The following ANXA8 variants were observed in gnomAD, a reference collection of about 807,000 sequenced individuals.
The protein encoded by ANXA8 is annexin A8, also known as VAC-beta.
Under a neutral mutation model 26.8 loss-of-function variants are expected in ANXA8, and 9 were observed. That is an observed-to-expected ratio of 0.34 (90% confidence interval 0.20 to 0.59). ANXA8 has a LOEUF of 0.59. Among genes scored for constraint, ANXA8 ranks in the 20% least tolerant of loss-of-function variants. The pLI is 0.84. For missense variants in ANXA8, 83 were observed against 238.5 expected (o/e 0.35, Z 4.29); for synonymous variants, 39 against 94.8 (o/e 0.41, Z 3.42).
chr10:47,585,136 G>A, the ANXA8 span, among the ~76,000 whole-genome samples: 80,606 of 130,870 alleles, frequency 0.62, 23,255 homozygotes, highest in Non-Finnish European at 0.7. Context: ...GGTGGTGGGC[G>A]CCTGTAATCC....
At chr10:47,974,284 T>A in the ANXA8 span, among the ~76,000 whole-genome samples, 475 of 147,358 alleles carry the variant, frequency 3.2e-3, 10 homozygotes, top group African/African-American at 0.011. Flanking sequence ...TATTTGGAAA[T>A]TCTTTTTTCT....
the ANXA8 span, among the ~76,000 whole-genome samples, chr10:47,982,075 G>T: frequency 6.6e-6 from 1 of 151,036 alleles, no homozygotes; most frequent in African/African-American, 2.4e-5. Flanking sequence ...GATTGCTTGA[G>T]CCCAGAGTTT....
chr10:47,546,175 C>T, the ANXA8 span, among the ~76,000 whole-genome samples: 4,758 of 134,894 alleles, frequency 0.035, 72 homozygotes, highest in African/African-American at 0.059. Flanking sequence ...ATATTAAATA[C>T]GTACAGAAAA....
chr10:47,738,645 C>T, the ANXA8 span, among the ~76,000 whole-genome samples: 1 of 151,412 alleles, frequency 6.6e-6, no homozygotes, highest in Admixed American at 6.6e-5. Flanking sequence ...GGTATGATCT[C>T]AGCTCACTGC....
At chr10:47,639,395 C>T in the ANXA8 span, among the ~76,000 whole-genome samples, 1 of 150,796 alleles carries the variant, frequency 6.6e-6, no homozygotes, top group Non-Finnish European at 1.5e-5. Context: ...TCACTGCAAG[C>T]TTCGCCTCCC....
the ANXA8 span, among the ~76,000 whole-genome samples, chr10:47,626,505 C>T: frequency 6.7e-6 from 1 of 149,856 alleles, no homozygotes; most frequent in African/African-American, 2.5e-5. Context: ...AATCTTTCTT[C>T]TTAAGGAAAG....
At chr10:47,711,470 G>A in the ANXA8 span, among the ~76,000 whole-genome samples, 1 of 136,284 alleles carries the variant, frequency 7.3e-6, no homozygotes, top group Non-Finnish European at 1.5e-5. Context: ...CCAAACTTCT[G>A]CCTTCCAAAT....
chr10:47,949,089 G>C, the ANXA8 span, among the ~76,000 whole-genome samples: 1 of 98,668 alleles, frequency 1.0e-5, no homozygotes, highest in Non-Finnish European at 1.9e-5. Context: ...TTTGGGACTT[G>C]TCAGCCTCAA....
At chr10:47,575,515 A>G in the ANXA8 span, among the ~76,000 whole-genome samples, 1 of 118,006 alleles carries the variant, frequency 8.5e-6, no homozygotes, top group Non-Finnish European at 1.8e-5. Context: ...CTCCCACGTA[A>G]CTGGGATTAC....
chr10:47,970,531 AAG>A, the ANXA8 span: 2 of 151,232 alleles, frequency 1.3e-5, no homozygotes, highest in Non-Finnish European at 3.0e-5. Context: ...CCAAGTCAGT[AAG>A]TGCACTTTGT....
At chr10:47,737,518 G>A in the ANXA8 span, among the ~76,000 whole-genome samples, 1 of 151,712 alleles carries the variant, frequency 6.6e-6, no homozygotes, top group African/African-American at 2.4e-5. Context: ...CTGTTTCATT[G>A]TTCTATATTT....
At chr10:47,710,483 AC>A in the ANXA8 span, 2 of 769,428 alleles carry the variant, frequency 2.6e-6, no homozygotes, top group Non-Finnish European at 4.3e-6. Context: ...ATCTTAGTGT[AC>A]CATTTGGTTA....
intron 4 of ANXA8, 54 bp from the exon 5 acceptor site, chr10:47,476,376 G>A: frequency 4.5e-6 from 2 of 445,012 alleles, no homozygotes; most frequent in African/African-American, 2.7e-5. Flanking sequence ...CTTCTGCTCT[G>A]TCCACACCTT....
the ANXA8 span, among the ~76,000 whole-genome samples, chr10:47,568,235 C>T: frequency 4.9e-4 from 27 of 55,106 alleles, no homozygotes; most frequent in African/African-American, 1.5e-3. Context: ...CCATGTTGGC[C>T]AGGCTGGTCT....
chr10:47,681,248 G>A, the ANXA8 span, among the ~76,000 whole-genome samples: 1 of 151,896 alleles, frequency 6.6e-6, no homozygotes, highest in Non-Finnish European at 1.5e-5. Context: ...GAAAAAGAAA[G>A]ATATCAGTGA....
At chr10:47,979,783 G>A in the ANXA8 span, among the ~76,000 whole-genome samples, 1 of 150,136 alleles carries the variant, frequency 6.7e-6, no homozygotes, top group South Asian at 2.1e-4. Context: ...CAGCCAGCAA[G>A]GAAGTGGGAA....
the ANXA8 span, among the ~76,000 whole-genome samples, chr10:47,527,619 T>C: frequency 1.4e-5 from 2 of 144,276 alleles, no homozygotes; most frequent in African/African-American, 5.2e-5. Flanking sequence ...GCAGGAAAGC[T>C]ACAAATTAGC....
the ANXA8 span, among the ~76,000 whole-genome samples, chr10:47,974,769 T>TA: frequency 6.7e-6 from 1 of 149,176 alleles, no homozygotes; most frequent in Non-Finnish European, 1.5e-5. Context: ...GTGTTTGGTA[T>TA]AATTTCAATT....
the ANXA8 span, among the ~76,000 whole-genome samples, chr10:47,970,888 G>C: frequency 6.6e-6 from 1 of 151,306 alleles, no homozygotes; most frequent in African/African-American, 2.4e-5. Flanking sequence ...CACACCAGAG[G>C]CAAGGGATCT....
Sources: gnomAD v4.1 joint callset for allele counts (sites outside exome capture counted in the v4.1 genomes callset) on GRCh38, gnomAD v4.1.1 for gene constraint, MANE v1.5 for transcripts, NCBI Gene and HGNC (gene_info 2026-07-23, HGNC 2026-07-21) for gene names.